The following RAB25 variants were observed in gnomAD, a reference collection of about 807,000 sequenced individuals.
RAB25 encodes the protein ras-related protein Rab-25.
RAB25 carries 23 observed loss-of-function variants against 25.2 expected under a neutral mutation model. That is an observed-to-expected ratio of 0.91 (90% confidence interval 0.66 to 1.29). The LOEUF (loss-of-function observed/expected upper bound fraction) is 1.29, where lower values mean the gene tolerates loss of function less well. Among genes scored for constraint, RAB25 ranks in the 50% most tolerant of loss-of-function variants. RAB25 has a pLI of 0.00. For synonymous variants in RAB25, 102 were observed against 111.5 expected (o/e 0.91, Z 0.54); for missense variants, 244 against 277.3 (o/e 0.88, Z 0.85).
At chr1:156,063,167 G>A (rs186654934) in intron 1 of RAB25, among the ~76,000 whole-genome samples, 62 of 151,770 alleles carry the variant, frequency 4.1e-4, no homozygotes, top group African/African-American at 1.4e-3. Context: ...ACGGAGTCTC[G>A]CTCTGTTGCC....
At chr1:156,062,789 C>T (rs1481425547) in intron 1 of RAB25, among the ~76,000 whole-genome samples, 1 of 152,114 alleles carries the variant, frequency 6.6e-6, no homozygotes, top group Non-Finnish European at 1.5e-5. Flanking sequence ...TGCAGTGGCT[C>T]ACGCCTGTAA....
Position 156,067,956 on chromosome 1 carries a change from T to C in RAB25, c.240-314T>C, listed in dbSNP as rs573946960. On this transcript the variant is annotated intron_variant, in intron 2 of 4. Transcript: ENST00000361084. The stretch of plus-strand genomic sequence containing the variant: ...TTAGTAGAGATGGGGTTTCTCCATA[T>C]TGGTTAGGCTAGTCTTGAACTCCTC... Among the ~76,000 whole-genome samples the C allele has an allele frequency of 4.6e-5, 7 of 152,310 alleles. No homozygotes were observed. The East Asian group carries it at 9.6e-4, about 21-fold the overall frequency.
At position 156,063,715 on chromosome 1, in the gene RAB25, G is replaced by A. The variant is rs79439688; in HGVS notation, c.44-2196G>A. Among the ~76,000 whole-genome samples, 654 of 152,292 alleles carry A rather than the reference G, an allele frequency of 4.3e-3. 4 individuals carry two copies. Among genetic ancestry groups the A allele is most frequent in the Admixed American group, 7.8e-3 (120 of 15,298 alleles). ...TGCAGCCTGCACTCCCTGCAGCTTG[G>A]GGCAAGTCCTTCCTTGAAGGCTGAT... On this transcript the variant is annotated intron_variant, in intron 1 of 4. Coordinates refer to ENST00000361084, the MANE Select transcript of RAB25 (RefSeq NM_020387.4).
At chr1:156,065,887 G>A in intron 1 of RAB25, 24 bp from the exon 2 acceptor site, 1 of 1,565,420 alleles carries the variant, frequency 6.4e-7, no homozygotes, top group East Asian at 2.3e-5. Flanking sequence ...CCCATGCTCA[G>A]CCCTTATCTC....
intron 1 of RAB25, among the ~76,000 whole-genome samples, chr1:156,064,045 T>C (rs2102769269): frequency 6.6e-6 from 1 of 152,200 alleles, no homozygotes; most frequent in African/African-American, 2.4e-5. Flanking sequence ...AGCACCTTTG[T>C]GGTATGACGC....
chr1:156,066,072 G>C lies in RAB25; in HGVS notation c.205G>C (p.Ala69Pro). The C allele has an allele frequency of 2.5e-6, 4 of 1,611,412 alleles. No homozygotes were observed. The highest frequency in any genetic ancestry group is 3.4e-6 in the Non-Finnish European group (4 of 1,178,166). Residue 69 changes from alanine to proline, a missense_variant, in exon 2 of 5, where the codon GCT (alanine) becomes CCT (proline). Ala to Pro is a conservative substitution (Grantham distance 27). Transcript: ENST00000361084. ...AAVKAQIWDT[A>P]GLERYRAITS... ...TGTCAAGGCTCAGATCTGGGACACA[G>C]CTGGCCTGGAGCGGTACCGAGCCAT...
rs1438147085 is a variant in RAB25 at position 156,068,381 on chromosome 1, G to A, written c.351G>A (p.Thr117=). ...LKELYDHAEA[T]IVVMLVGNKS... is the part of the protein sequence containing the mutation. ...AGCTCTATGACCATGCTGAAGCCAC[G>A]ATCGTCGTCATGCTCGTGGGTAACA... The change falls in exon 3 of 5, where the codon ACG becomes ACA. Residue 117 remains threonine (T), a synonymous_variant. Transcript: ENST00000361084. 14 of 1,614,002 alleles carry A rather than the reference G, an allele frequency of 8.7e-6. No individual in the cohort carries two copies. Among genetic ancestry groups the A allele is most frequent in the Non-Finnish European group, 1.2e-5 (14 of 1,180,028 alleles).
At chr1:156,064,108 G>A (rs566159107) in intron 1 of RAB25, among the ~76,000 whole-genome samples, 1 of 152,096 alleles carries the variant, frequency 6.6e-6, no homozygotes, top group African/African-American at 2.4e-5. Flanking sequence ...GCCCAGTAGG[G>A]GAGAGGCAGG....
chr1:156,068,684 ATTTT>A (rs35522492), intron 3 of RAB25, among the ~76,000 whole-genome samples: 4 of 98,344 alleles, frequency 4.1e-5, no homozygotes, highest in East Asian at 2.6e-4. Flanking sequence ...GTCTTTATTG[ATTTT>A]TTTTTTTTTT....
Position 156,069,675 on chromosome 1 carries a change from C to A in RAB25, c.438C>A (p.Asn146Lys). 1.2e-6 allele frequency: 2 copies of A among 1,608,910 alleles called. No individual in the cohort carries two copies. Among genetic ancestry groups the A allele is most frequent in the Non-Finnish European group, 1.7e-6 (2 of 1,175,268 alleles). ...PTEEARMFAENNGLLFLETSA... is the reference protein window; with the variant it reads ...PTEEARMFAEKNGLLFLETSA... ...GTGTGTTTCCCTTCCTGGCAGAAAA[C>A]AATGGACTGCTCTTCCTGGAGACCT... Residue 146 changes from asparagine to lysine, a missense_variant, in exon 4 of 5, where the codon AAC becomes AAA. Physicochemically the swap from Asn to Lys is moderately conservative, Grantham distance 94 (BLOSUM62 0). Coordinates refer to ENST00000361084, the MANE Select transcript of RAB25 (RefSeq NM_020387.4).
intron 3 of RAB25, among the ~76,000 whole-genome samples, chr1:156,068,684 A>ATTT (rs35522492): frequency 2.0e-4 from 20 of 98,324 alleles, no homozygotes; most frequent in African/African-American, 5.7e-4. Flanking sequence ...GTCTTTATTG[A>ATTT]TTTTTTTTTT....
At chr1:156,063,674 A>G (rs1647659711) in intron 1 of RAB25, among the ~76,000 whole-genome samples, 1 of 152,208 alleles carries the variant, frequency 6.6e-6, no homozygotes, top group Non-Finnish European at 1.5e-5. Flanking sequence ...GAAGGAGCTG[A>G]CAGCTGGAGC....
chr1:156,064,423 CTTTTTTTTT>C (rs1203115407), intron 1 of RAB25, among the ~76,000 whole-genome samples: 3 of 131,546 alleles, frequency 2.3e-5, no homozygotes, highest in African/African-American at 8.4e-5. Flanking sequence ...TTTTCTTTTT[CTTTTTTTTT>C]TTTTGAGTCG....
chr1:156,068,684 A>ATT (rs35522492), intron 3 of RAB25, among the ~76,000 whole-genome samples: 118 of 98,302 alleles, frequency 1.2e-3, no homozygotes, highest in African/African-American at 2.2e-3. Context: ...GTCTTTATTG[A>ATT]TTTTTTTTTT....
Position 156,066,002 on chromosome 1 carries a change from C to A in RAB25, c.135C>A (p.Ile45=). ...TCAGCCACGACAGCCGCACCACCATCGGGGTTGAGTTCTCCACCCGCACTG... is the reference window on the plus strand; with the variant it reads ...TCAGCCACGACAGCCGCACCACCATAGGGGTTGAGTTCTCCACCCGCACTG... ...NEFSHDSRTT[I]GVEFSTRTVM... Residue 45 remains isoleucine, a synonymous_variant, in exon 2 of 5, where the codon ATC becomes ATA. Transcript: ENST00000361084. The A allele has an allele frequency of 6.2e-7, 1 of 1,614,072 alleles. No individual in the cohort carries two copies. Among genetic ancestry groups the A allele is most frequent in the Non-Finnish European group, 8.5e-7 (1 of 1,179,942 alleles).
Position 156,067,242 on chromosome 1 carries a change from A to AG in RAB25, c.240-1028_240-1027insG, listed in dbSNP as rs1374184172. The stretch of plus-strand genomic sequence containing the variant: ...GCAAGACTCTGTCTCAAAAAAAAAA[A>AG]AAAAAGAAAAAGAAAGTGTCTTCCA... On this transcript the variant is annotated intron_variant, in intron 2 of 4. Transcript: ENST00000361084. Among the ~76,000 whole-genome samples, 12 of 151,806 alleles carry AG rather than the reference A, an allele frequency of 7.9e-5. No homozygotes were observed. In the East Asian group the frequency reaches 1.7e-3, roughly 22 times the overall value.
chr1:156,069,524 A>G (rs1647844011), intron 3 of RAB25, 147 bp from the exon 4 acceptor site: 1 of 679,488 alleles, frequency 1.5e-6, no homozygotes, highest in Admixed American at 2.3e-5. Context: ...TTCTAAATGA[A>G]CCTACCTTGT....
chr1:156,065,026 G>A lies in RAB25; in HGVS notation c.44-885G>A, dbSNP rs1647698036. ...TGGGTAAGACTGGGCCCTGGATGCT[G>A]CCCACCAGTCTAAAGGGTCTTCATG... is the stretch of plus-strand genomic sequence containing the variant. On this transcript the variant is annotated intron_variant, in intron 1 of 4. Transcript: ENST00000361084. Among the ~76,000 whole-genome samples, 2 of 152,110 alleles carry A rather than the reference G, an allele frequency of 1.3e-5. 1 individual carries two copies. Among genetic ancestry groups the A allele is most frequent in the South Asian group, 4.1e-4 (2 of 4,820 alleles).
At chr1:156,066,796 C>T (rs936488570) in intron 2 of RAB25, among the ~76,000 whole-genome samples, 5 of 151,746 alleles carry the variant, frequency 3.3e-5, no homozygotes, top group East Asian at 1.9e-4. Context: ...AAAAATTGGC[C>T]GGGCTTGGTG....
Sources: allele counts gnomAD v4.1 joint callset (sites outside exome capture counted in the v4.1 genomes callset), GRCh38; gene constraint gnomAD v4.1.1; transcripts MANE v1.5; gene names NCBI Gene and HGNC (gene_info 2026-07-23, HGNC 2026-07-21).